EXOC2: variants seen among roughly 807,000 people sequenced by gnomAD.
EXOC2 encodes the protein exocyst complex component 2.
A neutral mutation model predicts 131.8 loss-of-function variants in EXOC2; 70 were observed. The ratio of observed to expected loss-of-function variants is 0.53; its 90% CI spans 0.44 to 0.65. The LOEUF is 0.65. EXOC2 is among the 30% of genes least tolerant of loss of function. The probability of loss-of-function intolerance (pLI) is 0.00; values close to 1 mark genes in which losing one functional copy is unlikely to be tolerated. For synonymous variants in EXOC2, 411 were observed against 398.4 expected (o/e 1.03, Z -0.38); for missense variants, 923 against 1,108.6 (o/e 0.83, Z 2.38).
At position 507,574 on chromosome 6, in the gene EXOC2, T is replaced by C. The variant is rs146385606; in HGVS notation, c.2381-7874A>G. ...TGAGAAAGAGAGGGCTTTTGCTTGATGAGAATCATTCATGAAAAAATGATC... is the reference window on the plus strand; with the variant it reads ...TGAGAAAGAGAGGGCTTTTGCTTGACGAGAATCATTCATGAAAAAATGATC... On this transcript the variant is annotated intron_variant, in intron 23 of 27. Coordinates refer to ENST00000230449, the MANE Select transcript of EXOC2 (RefSeq NM_018303.6). Among the ~76,000 whole-genome samples, 204 of 152,324 alleles carry C rather than the reference T, an allele frequency of 1.3e-3. 1 individual carries two copies. The highest frequency in any genetic ancestry group is 4.6e-3 in the African/African-American group (190 of 41,574).
At chr6:556,649 G>T in intron 17 of EXOC2, 85 bp from the exon 18 acceptor site, 3 of 1,415,670 alleles carry the variant, frequency 2.1e-6, no homozygotes, top group Non-Finnish European at 3.0e-6. Flanking sequence ...ATGGCCCCAA[G>T]CCCCACATTT....
chr6:485,242 T>A lies in EXOC2; in HGVS notation c.*1429A>T, dbSNP rs1762985286. 1 of 152,228 alleles carries A rather than the reference T, an allele frequency of 6.6e-6. No homozygotes were observed. Among genetic ancestry groups the A allele is most frequent in the South Asian group, 2.1e-4 (1 of 4,814 alleles). The allele number at this position is 152,228 out of a possible 1,614,324, so 9.4% of individuals were successfully genotyped here. On this transcript the variant is annotated 3_prime_UTR_variant, in exon 28 of 28. Transcript: ENST00000230449. Reference sequence around the variant, plus strand: ...CATGATTGCAGTTTTTAAACTTAGCTCACAGTTGAGTTAGATACAACAGTT... The same window carrying A: ...CATGATTGCAGTTTTTAAACTTAGCACACAGTTGAGTTAGATACAACAGTT...
intron 22 of EXOC2, among the ~76,000 whole-genome samples, chr6:539,156 C>G (rs865829697): frequency 1.3e-5 from 2 of 151,914 alleles, no homozygotes; most frequent in Admixed American, 6.6e-5. Flanking sequence ...GGAGGTAGCC[C>G]CATCATAAGT....
intron 23 of EXOC2, among the ~76,000 whole-genome samples, chr6:523,388 T>C (rs1404090746): frequency 1.3e-5 from 2 of 152,186 alleles, no homozygotes; most frequent in Non-Finnish European, 2.9e-5. Flanking sequence ...GCTTTAAACC[T>C]GGAAATCAGA....
At chr6:515,131 A>C (rs1765071555) in intron 23 of EXOC2, among the ~76,000 whole-genome samples, 1 of 152,232 alleles carries the variant, frequency 6.6e-6, no homozygotes, top group East Asian at 1.9e-4. Context: ...ATGGTATAAC[A>C]GCAGGAATAC....
At chr6:638,140 A>G (rs1363686616) in intron 1 of EXOC2, among the ~76,000 whole-genome samples, 1 of 152,202 alleles carries the variant, frequency 6.6e-6, no homozygotes, top group Non-Finnish European at 1.5e-5. Context: ...AACTAATGTC[A>G]CCACGTAGCT....
In EXOC2 at chr6:518,441, C is replaced by T. The variant is rs545638285; in HGVS notation, c.2380+14028G>A. ...TTTGTACAATAGTATGTTAGTTTAC[C>T]CTGATGCCAAACAGCATAGTTTATA... is the stretch of plus-strand genomic sequence containing the variant. On this transcript the variant is annotated intron_variant, in intron 23 of 27. Transcript: ENST00000230449. Among the ~76,000 whole-genome samples the T allele has an allele frequency of 4.6e-5, 7 of 152,218 alleles. No individual in the cohort carries two copies. The South Asian group carries it at 1.5e-3, about 32-fold the overall frequency.
intron 23 of EXOC2, among the ~76,000 whole-genome samples, chr6:518,263 GGAGCCCAGGGGCACA>G (rs71789189): frequency 0.16 from 23,904 of 152,164 alleles, 2,116 homozygotes; most frequent in African/African-American, 0.24. Flanking sequence ...GAGGCAGTGG[GGAGCCCAGGGGCACA>G]GATCAGACAA....
At chr6:543,763 TACTG>T (rs1756684608) in intron 22 of EXOC2, among the ~76,000 whole-genome samples, 2 of 152,200 alleles carry the variant, frequency 1.3e-5, no homozygotes, top group African/African-American at 2.4e-5. Flanking sequence ...CCACAGTGGC[TACTG>T]ACTAAGTCAG....
intron 4 of EXOC2, among the ~76,000 whole-genome samples, chr6:628,042 G>A (rs1184339634): frequency 6.6e-6 from 1 of 152,162 alleles, no homozygotes; most frequent in East Asian, 1.9e-4. Flanking sequence ...TATCCAAGAA[G>A]AGCAAAGAAT....
intron 21 of EXOC2, among the ~76,000 whole-genome samples, 191 bp from the exon 22 acceptor site, chr6:549,482 T>C (rs1270286801): frequency 6.6e-6 from 1 of 152,226 alleles, no homozygotes; most frequent in Non-Finnish European, 1.5e-5. Flanking sequence ...ACTCTACTAT[T>C]TGCTTATAAT....
intron 23 of EXOC2, among the ~76,000 whole-genome samples, chr6:500,420 T>C (rs904383089): frequency 1.6e-4 from 25 of 152,216 alleles, no homozygotes; most frequent in African/African-American, 3.9e-4. Context: ...GGTCTGACTA[T>C]TGGGGACCAA....
intron 20 of EXOC2, among the ~76,000 whole-genome samples, chr6:554,519 G>T (rs559280578): frequency 6.6e-6 from 1 of 152,188 alleles, no homozygotes; most frequent in South Asian, 2.1e-4. Flanking sequence ...AAACCTAGGA[G>T]AATTAAAAAC....
At chr6:573,332 C>G (rs1034137600) in intron 12 of EXOC2, among the ~76,000 whole-genome samples, 1 of 152,198 alleles carries the variant, frequency 6.6e-6, no homozygotes, top group Non-Finnish European at 1.5e-5. Context: ...TCAGGACCCA[C>G]TCACCATGTC....
intron 22 of EXOC2, among the ~76,000 whole-genome samples, chr6:534,975 CA>C (rs1285592722): frequency 2.0e-5 from 3 of 152,036 alleles, no homozygotes. Flanking sequence ...TCAAAATCTG[CA>C]AGAGAGAACC....
intron 1 of EXOC2, chr6:656,198 C>T (rs1763072302): frequency 6.2e-7 from 1 of 1,614,128 alleles, no homozygotes; most frequent in Non-Finnish European, 8.5e-7. Flanking sequence ...TGCACAGGGC[C>T]GTCGTAGGAT....
At chr6:615,736 A>G (rs74445037) in intron 6 of EXOC2, among the ~76,000 whole-genome samples, 8,244 of 151,752 alleles carry the variant, frequency 0.054, 338 homozygotes, top group Non-Finnish European at 0.089. Context: ...AAAAAAAAAA[A>G]AAAGAAAAAC....
chr6:650,124 G>A (rs1762766434), intron 1 of EXOC2, among the ~76,000 whole-genome samples: 1 of 152,094 alleles, frequency 6.6e-6, no homozygotes, highest in Admixed American at 6.5e-5. Flanking sequence ...TATCTTTATA[G>A]ATTAAGTAAA....
At chr6:595,857 A>G (rs1344048051) in intron 10 of EXOC2, among the ~76,000 whole-genome samples, 1 of 152,100 alleles carries the variant, frequency 6.6e-6, no homozygotes, top group Non-Finnish European at 1.5e-5. Context: ...TAGGTAGAAA[A>G]TAAAGCAGTT....
Sources: allele counts gnomAD v4.1 joint callset (sites outside exome capture counted in the v4.1 genomes callset), GRCh38; gene constraint gnomAD v4.1.1; transcripts MANE v1.5; gene names NCBI Gene and HGNC (gene_info 2026-07-23, HGNC 2026-07-21).